Variants in CALN1 observed in about 807,000 individuals in gnomAD.
CALN1 encodes calneuron 1.
CALN1 carries 17 observed loss-of-function variants against 30.6 expected under a neutral mutation model. The observed-to-expected ratio is 0.56, with a 90% CI of 0.38 to 0.83. The LOEUF (loss-of-function observed/expected upper bound fraction) is 0.83, where lower values mean the gene tolerates loss of function less well. CALN1 is among the 40% of genes least tolerant of loss of function. The probability of loss-of-function intolerance (pLI) is 0.00; values close to 1 mark genes in which losing one functional copy is unlikely to be tolerated. For synonymous variants in CALN1, 156 were observed against 131.4 expected (o/e 1.19, Z -1.28); for missense variants, 291 against 354.9 (o/e 0.82, Z 1.45).
intron 5 of CALN1, among the ~76,000 whole-genome samples, chr7:71,898,564 G>C (rs564612480): frequency 6.6e-6 from 1 of 152,098 alleles, no homozygotes; most frequent in African/African-American, 2.4e-5. Context: ...TAGAGAATGA[G>C]GCAGAAGCAA....
intron 5 of CALN1, among the ~76,000 whole-genome samples, chr7:71,855,004 C>T (rs992415857): frequency 6.6e-6 from 1 of 152,176 alleles, no homozygotes; most frequent in Non-Finnish European, 1.5e-5. Context: ...AAGCTCTGTG[C>T]TGTTCTGAGG....
At chr7:72,214,949 G>A (rs1792670670) in intron 3 of CALN1, among the ~76,000 whole-genome samples, 1 of 151,536 alleles carries the variant, frequency 6.6e-6, no homozygotes, top group Non-Finnish European at 1.5e-5. Flanking sequence ...TCTAGTTGCA[G>A]GAAAACAAGC....
At chr7:72,468,885 T>C in the CALN1 span, among the ~76,000 whole-genome samples, 1 of 152,232 alleles carries the variant, frequency 6.6e-6, no homozygotes, top group East Asian at 1.9e-4. Flanking sequence ...TCAAATCCTT[T>C]GCCCATTTTT....
At chr7:72,398,367 T>C (rs1030049898) in intron 2 of CALN1, among the ~76,000 whole-genome samples, 1 of 152,242 alleles carries the variant, frequency 6.6e-6, no homozygotes, top group Non-Finnish European at 1.5e-5. Flanking sequence ...GTCGGCAATT[T>C]AATGAGTCAG....
intron 4 of CALN1, among the ~76,000 whole-genome samples, chr7:72,073,104 G>A (rs1049197079): frequency 6.6e-6 from 1 of 152,068 alleles, no homozygotes; most frequent in African/African-American, 2.4e-5. Context: ...CTACAATATG[G>A]GAGAAACTTG....
chr7:72,157,284 A>T (rs1787766963), intron 3 of CALN1, among the ~76,000 whole-genome samples: 1 of 152,220 alleles, frequency 6.6e-6, no homozygotes, highest in African/African-American at 2.4e-5. Flanking sequence ...CATGTCCTCA[A>T]AAATTCCTGA....
chr7:71,876,624 G>A (rs372054730), intron 5 of CALN1, among the ~76,000 whole-genome samples: 2 of 152,082 alleles, frequency 1.3e-5, no homozygotes, highest in African/African-American at 4.8e-5. Flanking sequence ...ACTTGGTAAG[G>A]GGGGGAGAAT....
intron 5 of CALN1, among the ~76,000 whole-genome samples, chr7:71,828,559 A>G (rs1200256952): frequency 6.7e-6 from 1 of 148,754 alleles, no homozygotes; most frequent in African/African-American, 2.6e-5. Context: ...AGAAAAAAGA[A>G]TGCAACCATC....
At chr7:72,133,601 T>G (rs1294202694) in intron 3 of CALN1, among the ~76,000 whole-genome samples, 1 of 152,156 alleles carries the variant, frequency 6.6e-6, no homozygotes, top group East Asian at 1.9e-4. Context: ...ATTATGGATA[T>G]TCATATAGTT....
chr7:72,200,858 G>A (rs2129547407), intron 3 of CALN1, among the ~76,000 whole-genome samples: 1 of 152,282 alleles, frequency 6.6e-6, no homozygotes, highest in East Asian at 1.9e-4. Flanking sequence ...TTCTCCCTGA[G>A]GAAAGCAACT....
At chr7:72,054,403 A>G (rs1361107141) in intron 4 of CALN1, among the ~76,000 whole-genome samples, 1 of 33,830 alleles carries the variant, frequency 3.0e-5, no homozygotes, top group Non-Finnish European at 4.5e-5. Context: ...ATATATGTAC[A>G]TATATATATA....
intron 5 of CALN1, among the ~76,000 whole-genome samples, chr7:71,823,161 C>A (rs1304977284): frequency 6.6e-6 from 1 of 151,046 alleles, no homozygotes; most frequent in African/African-American, 2.5e-5. Flanking sequence ...TCTCCAGTTT[C>A]TTCTCTCTCT....
At chr7:72,207,541 G>A (rs1373788266) in intron 3 of CALN1, among the ~76,000 whole-genome samples, 2 of 152,102 alleles carry the variant, frequency 1.3e-5, no homozygotes, top group Admixed American at 6.6e-5. Context: ...GAGTGCAGTG[G>A]TGCAATCTCG....
the CALN1 span, among the ~76,000 whole-genome samples, chr7:72,453,189 C>G: frequency 6.6e-6 from 1 of 152,182 alleles, no homozygotes; most frequent in Non-Finnish European, 1.5e-5. Flanking sequence ...AGTTTCTTGG[C>G]TTCACTCAGG....
At chr7:72,337,415 C>T (rs1030067085) in intron 2 of CALN1, among the ~76,000 whole-genome samples, 2 of 27,110 alleles carry the variant, frequency 7.4e-5, no homozygotes, top group Non-Finnish European at 7.9e-5. Flanking sequence ...CGCACTCACA[C>T]TCGCGCGCAC....
intron 2 of CALN1, among the ~76,000 whole-genome samples, chr7:72,307,128 C>G (rs1458891351): frequency 1.3e-5 from 2 of 152,094 alleles, no homozygotes; most frequent in African/African-American, 2.4e-5. Flanking sequence ...TTTTTAAACT[C>G]AAATTAGCCC....
chr7:71,806,474 T>C (rs575355876), intron 6 of CALN1, among the ~76,000 whole-genome samples: 219 of 152,168 alleles, frequency 1.4e-3, no homozygotes, highest in Non-Finnish European at 2.7e-3. Context: ...ACCTGACTAA[T>C]TTTTGTATTT....
chr7:72,456,662 G>A, the CALN1 span, among the ~76,000 whole-genome samples: 1 of 151,964 alleles, frequency 6.6e-6, no homozygotes, highest in African/African-American at 2.4e-5. Flanking sequence ...GACAAGCCTG[G>A]GCAACATATG....
chr7:72,405,449 C>G (rs1250611039), intron 1 of CALN1, among the ~76,000 whole-genome samples: 1 of 152,184 alleles, frequency 6.6e-6, no homozygotes, highest in Non-Finnish European at 1.5e-5. Context: ...GGCATGTCTT[C>G]ACACGCCTGT....
Sources: allele counts gnomAD v4.1 joint callset (sites outside exome capture counted in the v4.1 genomes callset), GRCh38; gene constraint gnomAD v4.1.1; transcripts MANE v1.5; gene names NCBI Gene and HGNC (gene_info 2026-07-23, HGNC 2026-07-21).